Variants in ZBBX observed in about 807,000 individuals in gnomAD.
ZBBX encodes the protein zinc finger B-box domain containing, also known as zinc finger B-box domain-containing protein 1.
Under a neutral mutation model 108.5 loss-of-function variants are expected in ZBBX, and 101 were observed. The ratio of observed to expected loss-of-function variants is 0.93; its 90% CI spans 0.79 to 1.10. The LOEUF (loss-of-function observed/expected upper bound fraction) is 1.10. ZBBX is among the 50% of genes least tolerant of loss of function. The pLI is 0.00. For synonymous variants in ZBBX, 356 were observed against 323.4 expected, an observed-to-expected ratio of 1.10 and a Z score of -1.08; for missense variants, 1,009 against 941.4, an observed-to-expected ratio of 1.07 and a Z score of -0.94.
chr3:167,229,536 C>A, the ZBBX span, among the ~76,000 whole-genome samples: 3 of 151,712 alleles, frequency 2.0e-5, no homozygotes, highest in Non-Finnish European at 4.4e-5. Flanking sequence ...AATAAAGTAT[C>A]TCACAGAATT....
intron 17 of ZBBX, among the ~76,000 whole-genome samples, chr3:167,303,849 G>A (rs930967994): frequency 2.8e-4 from 43 of 152,144 alleles, no homozygotes; most frequent in African/African-American, 1.0e-3. Context: ...GTCATAATGC[G>A]AATTTGTTTT....
intron 1 of ZBBX, among the ~76,000 whole-genome samples, chr3:167,400,442 T>C (rs1216731461): frequency 1.3e-5 from 2 of 152,194 alleles, no homozygotes; most frequent in East Asian, 1.9e-4. Context: ...TGATTTACAT[T>C]TCGCTGATGA....
chr3:167,206,834 C>T, the ZBBX span, among the ~76,000 whole-genome samples: 1 of 151,864 alleles, frequency 6.6e-6, no homozygotes, highest in Non-Finnish European at 1.5e-5. Context: ...TGAATCCAAC[C>T]ATATATAGTT....
At chr3:167,392,157 T>C (rs1169874689) in intron 1 of ZBBX, among the ~76,000 whole-genome samples, 1 of 151,890 alleles carries the variant, frequency 6.6e-6, no homozygotes, top group African/African-American at 2.4e-5. Flanking sequence ...ACACAATTTG[T>C]ACTCTCCCAT....
At chr3:167,383,878 T>C (rs552680955), upstream of ZBBX, among the ~76,000 whole-genome samples, 26 of 152,198 alleles carry the variant, frequency 1.7e-4, no homozygotes, top group African/African-American at 6.3e-4. Flanking sequence ...AACTAATTAA[T>C]ATGTAATGTA....
At chr3:167,234,679 A>G in the ZBBX span, among the ~76,000 whole-genome samples, 569 of 151,902 alleles carry the variant, frequency 3.7e-3, 2 homozygotes, top group African/African-American at 0.013. Context: ...GTAGCTATTG[A>G]TCAGTAATAA....
Position 167,333,821 on chromosome 3 carries a change from G to T in ZBBX, c.687+6C>A. The T allele has an allele frequency of 6.3e-7, 1 of 1,591,584 alleles. No homozygotes were observed. Among genetic ancestry groups the T allele is most frequent in the Non-Finnish European group, 8.5e-7 (1 of 1,172,224 alleles). ...GAAAATGTCTACTATATTTTCCTCA[G>T]TTTACCTCAGAGCTGCTCCTCTGGA... On this transcript the variant is annotated splice_donor_region_variant and intron_variant, in intron 10 of 21. Coordinates refer to ENST00000675490, the MANE Select transcript of ZBBX (RefSeq NM_001199201.2).
the ZBBX span, among the ~76,000 whole-genome samples, chr3:167,221,535 T>C: frequency 6.6e-6 from 1 of 152,044 alleles, no homozygotes; most frequent in Admixed American, 6.6e-5. Context: ...AAATAAAGAC[T>C]TAAATCTAAG....
intron 19 of ZBBX, among the ~76,000 whole-genome samples, chr3:167,286,513 A>C (rs1729735648): frequency 6.6e-6 from 1 of 152,170 alleles, no homozygotes; most frequent in South Asian, 2.1e-4. Context: ...AATGGAAATG[A>C]ATTATAGCAA....
At chr3:167,293,614 C>A (rs1731104750) in intron 18 of ZBBX, among the ~76,000 whole-genome samples, 1 of 152,104 alleles carries the variant, frequency 6.6e-6, no homozygotes. Flanking sequence ...AACCTGGAAA[C>A]ATTCCCTTTG....
At chr3:167,308,887 A>G (rs1281177427) in intron 16 of ZBBX, among the ~76,000 whole-genome samples, 1 of 152,100 alleles carries the variant, frequency 6.6e-6, no homozygotes, top group East Asian at 1.9e-4. Flanking sequence ...AATATGTACA[A>G]CAAACCCCCA....
intron 1 of ZBBX, chr3:167,399,641 G>T (rs139696812): frequency 6.6e-6 from 1 of 152,182 alleles, no homozygotes; most frequent in Non-Finnish European, 1.5e-5. Context: ...GGTCATGGAG[G>T]TAAGAGAAAA....
At chr3:167,390,472 T>C (rs1577143999) in intron 1 of ZBBX, among the ~76,000 whole-genome samples, 1 of 152,244 alleles carries the variant, frequency 6.6e-6, no homozygotes, top group Middle Eastern at 3.4e-3. Flanking sequence ...ACGGGCTCTT[T>C]TTTGGTTCCA....
intron 9 of ZBBX, among the ~76,000 whole-genome samples, chr3:167,341,943 T>C (rs1457367812): frequency 2.0e-5 from 3 of 151,846 alleles, no homozygotes; most frequent in African/African-American, 4.8e-5. Flanking sequence ...TAAAGACCAA[T>C]GAACATAACG....
At chr3:167,208,471 G>A in the ZBBX span, among the ~76,000 whole-genome samples, 1 of 152,200 alleles carries the variant, frequency 6.6e-6, no homozygotes, top group Non-Finnish European at 1.5e-5. Flanking sequence ...TAGGATACCA[G>A]CACAGCTACT....
chr3:167,242,795 T>C (rs951950658), intron 20 of ZBBX, 152 bp from the exon 21 acceptor site: 1 of 735,582 alleles, frequency 1.4e-6, no homozygotes, highest in Non-Finnish European at 2.0e-6. Context: ...CTAATGTTTG[T>C]GAGGTAAGTT....
At chr3:167,351,138 C>A (rs1742573554) in intron 8 of ZBBX, among the ~76,000 whole-genome samples, 1 of 151,638 alleles carries the variant, frequency 6.6e-6, no homozygotes. Flanking sequence ...ATTACCATGT[C>A]TGTAATGTTA....
intron 16 of ZBBX, 91 bp from the exon 17 acceptor site, chr3:167,306,041 A>T (rs1381016164): frequency 4.5e-6 from 5 of 1,101,488 alleles, no homozygotes; most frequent in South Asian, 2.2e-5. Flanking sequence ...TGGTAAAAAA[A>T]CTTTCTCAAT....
intron 10 of ZBBX, among the ~76,000 whole-genome samples, chr3:167,330,977 T>TCTCTCTCTCTCTC (rs1553820893): frequency 2.5e-4 from 5 of 20,198 alleles, no homozygotes; most frequent in South Asian, 1.5e-3. Context: ...CCCACTCCCC[T>TCTCTCTCTCTCTC]TCTGTATGCA....
Sources: allele counts gnomAD v4.1 joint callset (sites outside exome capture counted in the v4.1 genomes callset), GRCh38; gene constraint gnomAD v4.1.1; transcripts MANE v1.5; gene names NCBI Gene and HGNC (gene_info 2026-07-23, HGNC 2026-07-21).